The following IQCM variants were observed in gnomAD, a reference collection of about 807,000 sequenced individuals.
IQCM encodes the protein IQ domain-containing protein M.
In IQCM, 45 loss-of-function variants were observed where a neutral mutation model predicts 57.6. The ratio of observed to expected loss-of-function variants is 0.78; its 90% CI spans 0.62 to 1.00. IQCM has a LOEUF of 1.00. IQCM is among the 50% of genes least tolerant of loss of function. IQCM has a pLI of 0.00. For missense variants in IQCM, 468 were observed against 511.6 expected, an observed-to-expected ratio of 0.91 and a Z score of 0.82; for synonymous variants, 148 against 158.9, an observed-to-expected ratio of 0.93 and a Z score of 0.51.
chr4:149,716,509 C>T (rs959684436), intron 5 of IQCM, among the ~76,000 whole-genome samples: 6 of 152,138 alleles, frequency 3.9e-5, no homozygotes, highest in African/African-American at 9.7e-5. Flanking sequence ...GCTGCAGCTG[C>T]GCCAAAGAAG....
intron 5 of IQCM, among the ~76,000 whole-genome samples, chr4:149,713,473 T>C (rs1764732845): frequency 6.6e-6 from 1 of 152,210 alleles, no homozygotes; most frequent in African/African-American, 2.4e-5. Context: ...ACTGGTCTCA[T>C]ATAACACTAA....
chr4:149,681,810 T>C (rs972665698), intron 7 of IQCM, among the ~76,000 whole-genome samples: 1 of 151,264 alleles, frequency 6.6e-6, no homozygotes, highest in African/African-American at 2.4e-5. Flanking sequence ...AAGAATTGTA[T>C]GTATTTTTTA....
At chr4:149,602,052 A>AG (rs561395450) in intron 8 of IQCM, among the ~76,000 whole-genome samples, 13 of 151,230 alleles carry the variant, frequency 8.6e-5, no homozygotes, top group African/African-American at 3.2e-4. Context: ...AAAAAAAAAA[A>AG]AAAGAAAAAA....
chr4:149,556,966 C>T (rs1749646766), intron 10 of IQCM, among the ~76,000 whole-genome samples: 2 of 152,152 alleles, frequency 1.3e-5, no homozygotes, highest in Admixed American at 6.5e-5. Context: ...TCTAATTGCT[C>T]AGTACAGAAA....
At chr4:149,738,028 T>C (rs1035780929) in intron 3 of IQCM, among the ~76,000 whole-genome samples, 4 of 152,188 alleles carry the variant, frequency 2.6e-5, no homozygotes, top group Non-Finnish European at 5.9e-5. Flanking sequence ...TTGTTCAAAA[T>C]GTAGCTTTGT....
chr4:149,449,253 A>T (rs1736834186), intron 12 of IQCM, among the ~76,000 whole-genome samples: 1 of 147,426 alleles, frequency 6.8e-6, no homozygotes, highest in South Asian at 2.2e-4. Flanking sequence ...AACAAAAAAA[A>T]GCAAAACACC....
intron 7 of IQCM, among the ~76,000 whole-genome samples, chr4:149,629,473 A>C (rs901484786): frequency 6.6e-5 from 10 of 152,104 alleles, no homozygotes; most frequent in African/African-American, 2.4e-4. Flanking sequence ...TTCAAACTAA[A>C]TCACCTGAAT....
chr4:149,544,338 T>C (rs1021922316), intron 12 of IQCM, among the ~76,000 whole-genome samples: 4 of 152,284 alleles, frequency 2.6e-5, no homozygotes, highest in Middle Eastern at 3.4e-3. Context: ...ATACAATATT[T>C]AGTAATAAAT....
intron 9 of IQCM, among the ~76,000 whole-genome samples, chr4:149,570,887 T>C (rs1010030059): frequency 6.6e-6 from 1 of 151,902 alleles, no homozygotes; most frequent in Admixed American, 6.6e-5. Flanking sequence ...CCAAAACATA[T>C]ATGAAAAAAT....
intron 12 of IQCM, among the ~76,000 whole-genome samples, chr4:149,510,851 A>G (rs1459544491): frequency 6.6e-6 from 1 of 152,200 alleles, no homozygotes; most frequent in Non-Finnish European, 1.5e-5. Flanking sequence ...TGCTATCCAC[A>G]CAACATCACT....
intron 13 of IQCM, among the ~76,000 whole-genome samples, chr4:149,394,495 C>T (rs548909744): frequency 2.0e-5 from 3 of 151,928 alleles, no homozygotes; most frequent in East Asian, 1.9e-4. Context: ...TGTTGTACTG[C>T]GCCTAATTTA....
intron 2 of IQCM, among the ~76,000 whole-genome samples, chr4:149,764,587 T>C (rs1173224673): frequency 1.3e-5 from 2 of 152,146 alleles, no homozygotes; most frequent in African/African-American, 4.8e-5. Flanking sequence ...ATGACTCCCC[T>C]GCATATGTGT....
rs189365458 is a variant in IQCM at position 149,562,132 on chromosome 4, A to G, written c.948+1560T>C. Among the ~76,000 whole-genome samples, 624 of 152,334 alleles carry G rather than the reference A, an allele frequency of 4.1e-3. 4 individuals carry two copies. The highest frequency in any genetic ancestry group is 5.2e-3 in the Admixed American group (79 of 15,294). On this transcript the variant is annotated intron_variant, in intron 10 of 13. Transcript: ENST00000636793. ...TCGTGTGTACTATGTTATAGTTCCT[A>G]CTATATCCTGTAAGCAATATAGGTC...
chr4:149,519,752 C>T (rs1209691359), intron 12 of IQCM, among the ~76,000 whole-genome samples: 1 of 152,016 alleles, frequency 6.6e-6, no homozygotes, highest in Non-Finnish European at 1.5e-5. Context: ...TGCCTGTAAT[C>T]CCAGCACTTT....
intron 10 of IQCM, among the ~76,000 whole-genome samples, chr4:149,554,643 G>T (rs917032298): frequency 1.7e-4 from 25 of 150,454 alleles, no homozygotes; most frequent in African/African-American, 4.6e-4. Flanking sequence ...AAGATTTTTT[G>T]TTTGTTTGTT....
intron 12 of IQCM, among the ~76,000 whole-genome samples, chr4:149,542,165 C>T (rs1032732617): frequency 6.6e-6 from 1 of 152,012 alleles, no homozygotes; most frequent in Non-Finnish European, 1.5e-5. Context: ...TATAATTAGA[C>T]ATATATTTAA....
At chr4:149,792,748 A>G (rs1772757061) in intron 2 of IQCM, among the ~76,000 whole-genome samples, 1 of 152,192 alleles carries the variant, frequency 6.6e-6, no homozygotes, top group South Asian at 2.1e-4. Context: ...ATTGTACTAT[A>G]TCATTTCCAG....
intron 12 of IQCM, among the ~76,000 whole-genome samples, chr4:149,448,757 G>A (rs1340127838): frequency 2.0e-5 from 3 of 151,680 alleles, no homozygotes; most frequent in Non-Finnish European, 4.4e-5. Context: ...TTCTTTGAAA[G>A]ACACCAATTA....
At position 149,786,022 on chromosome 4, in the gene IQCM, AATTAT is replaced by A. The variant is rs1332419562; in HGVS notation, c.-49+29284_-49+29288del. On this transcript the variant is annotated intron_variant, in intron 2 of 13. Transcript: ENST00000636793. ...CTAATTGTGGTATTTTGTATTTCTA[AATTAT>A]ATTATAATGTGTAGAACTTCCATTT... Among the ~76,000 whole-genome samples the A allele has an allele frequency of 3.9e-5, 6 of 152,264 alleles. No homozygotes were observed. In the East Asian group the frequency reaches 9.6e-4, roughly 24 times the overall value.
Sources: gnomAD v4.1 joint callset for allele counts (sites outside exome capture counted in the v4.1 genomes callset) on GRCh38, gnomAD v4.1.1 for gene constraint, MANE v1.5 for transcripts, NCBI Gene and HGNC (gene_info 2026-07-23, HGNC 2026-07-21) for gene names.